KANK1: variants seen among roughly 807,000 people sequenced by gnomAD.
KANK1 encodes the protein KN motif and ankyrin repeat domain-containing protein 1.
In KANK1, 109 loss-of-function variants were observed where a neutral mutation model predicts 106.2. The ratio of observed to expected loss-of-function variants is 1.03; its 90% CI spans 0.88 to 1.20. The LOEUF (loss-of-function observed/expected upper bound fraction) is 1.20, where lower values mean the gene tolerates loss of function less well. Ranked by LOEUF, KANK1 falls within the 50% of genes most tolerant of loss-of-function variation. KANK1 has a pLI of 0.00. For missense variants in KANK1, 2,399 were observed against 1,710.7 expected (o/e 1.40, Z -7.10); for synonymous variants, 873 against 652.2 (o/e 1.34, Z -5.16).
chr9:607,337 T>G lies in KANK1; in HGVS notation c.-83-69553T>G, dbSNP rs575276159. ...CCCGTCTCTACTATAAATACAAAAA[T>G]TAGCTGGTGTGGCGACGCACACCTG... On this transcript the variant is annotated intron_variant, in intron 1 of 11. Transcript: ENST00000382297. Among the ~76,000 whole-genome samples, 6 of 151,586 alleles carry G rather than the reference T, an allele frequency of 4.0e-5. No homozygotes were observed. In the South Asian group the frequency reaches 8.3e-4, roughly 21 times the overall value.
At chr9:659,092 CA>C (rs1251676922) in intron 1 of KANK1, among the ~76,000 whole-genome samples, 14 of 152,272 alleles carry the variant, frequency 9.2e-5, no homozygotes, top group Non-Finnish European at 1.9e-4. Context: ...CTATAAGCCT[CA>C]AAAAGGCAAG....
intron 1 of KANK1, among the ~76,000 whole-genome samples, chr9:592,590 G>T (rs952144154): frequency 6.6e-6 from 1 of 151,856 alleles, no homozygotes; most frequent in Non-Finnish European, 1.5e-5. Flanking sequence ...TAGAAGAAAT[G>T]AATCAATATT....
At chr9:565,274 C>CT (rs2134567515) in intron 1 of KANK1, among the ~76,000 whole-genome samples, 1 of 152,314 alleles carries the variant, frequency 6.6e-6, no homozygotes, top group South Asian at 2.1e-4. Flanking sequence ...GCAGCTTCAT[C>CT]TTTAAGACTT....
intron 1 of KANK1, among the ~76,000 whole-genome samples, chr9:646,785 G>A (rs1208418309): frequency 6.7e-6 from 1 of 150,206 alleles, no homozygotes; most frequent in African/African-American, 2.5e-5. Context: ...CGCCTCCCGG[G>A]TTAAAGCAAT....
intron 1 of KANK1, among the ~76,000 whole-genome samples, chr9:590,276 C>A (rs1390354136): frequency 6.6e-6 from 1 of 151,986 alleles, no homozygotes. Context: ...TTATTATAGT[C>A]AGGGAGGTGA....
intron 1 of KANK1, among the ~76,000 whole-genome samples, chr9:512,398 C>T (rs1353136772): frequency 6.6e-6 from 1 of 151,720 alleles, no homozygotes; most frequent in Non-Finnish European, 1.5e-5. Context: ...CTGGAGAATT[C>T]CCTCCAGCTC....
Position 730,141 on chromosome 9 carries a change from G to C in KANK1, c.2789G>C (p.Gly930Ala). Residue 930 changes from glycine (G) to alanine (A), a missense_variant, in exon 4 of 12, where the codon GGG (glycine) becomes GCG (alanine). Gly to Ala is a moderately conservative substitution (Grantham distance 60). Coordinates refer to ENST00000382297, the MANE Select transcript of KANK1 (RefSeq NM_015158.5). ...ACATCCCAGCCTGAGCAAGAAGTGGGGACCTCAGAAGGAAAGCCAATCAGC... is the reference window on the plus strand; with the variant it reads ...ACATCCCAGCCTGAGCAAGAAGTGGCGACCTCAGAAGGAAAGCCAATCAGC... ...SQTSQPEQEV[G>A]TSEGKPISSL... 6.2e-7 allele frequency: 1 copy of C among 1,614,162 alleles called. No individual in the cohort carries two copies. The highest frequency in any genetic ancestry group is 8.5e-7 in the Non-Finnish European group (1 of 1,180,024).
chr9:679,535 C>G (rs573953174), intron 2 of KANK1, among the ~76,000 whole-genome samples: 1 of 152,270 alleles, frequency 6.6e-6, no homozygotes, highest in Non-Finnish European at 1.5e-5. Flanking sequence ...GTGCCTCAGC[C>G]TCCCACGCAG....
At chr9:607,779 T>A (rs1484320929) in intron 1 of KANK1, among the ~76,000 whole-genome samples, 2 of 151,668 alleles carry the variant, frequency 1.3e-5, no homozygotes, top group African/African-American at 4.9e-5. Flanking sequence ...GAGGAAATAA[T>A]ATGGTGTGGT....
chr9:584,373 TC>T, intron 1 of KANK1, among the ~76,000 whole-genome samples: 1 of 152,220 alleles, frequency 6.6e-6, no homozygotes, highest in Non-Finnish European at 1.5e-5. Flanking sequence ...CTAATTATCC[TC>T]ATGATTTTTA....
intron 3 of KANK1, among the ~76,000 whole-genome samples, chr9:491,120 C>G (rs1255954993): frequency 6.6e-6 from 1 of 151,796 alleles, no homozygotes; most frequent in African/African-American, 2.4e-5. Context: ...TTACCATGCC[C>G]CATCTAATTT....
intron 1 of KANK1, among the ~76,000 whole-genome samples, chr9:617,744 A>C (rs1420312364): frequency 6.6e-6 from 1 of 152,232 alleles, no homozygotes; most frequent in East Asian, 1.9e-4. Context: ...TCCGATCAGC[A>C]GGCCAGTTTG....
intron 3 of KANK1, among the ~76,000 whole-genome samples, chr9:496,880 A>G (rs1360318198): frequency 6.6e-6 from 1 of 152,172 alleles, no homozygotes; most frequent in African/African-American, 2.4e-5. Context: ...TCTACTTAGG[A>G]TCCTAGTAGA....
At chr9:525,379 GT>G (rs1563716103) in intron 1 of KANK1, among the ~76,000 whole-genome samples, 4 of 150,964 alleles carry the variant, frequency 2.6e-5, no homozygotes, top group Non-Finnish European at 5.9e-5. Flanking sequence ...GTGTGTGTGT[GT>G]GTGTATTTAT....
intron 1 of KANK1, among the ~76,000 whole-genome samples, chr9:525,275 G>A (rs1041728058): frequency 6.6e-6 from 1 of 151,442 alleles, no homozygotes; most frequent in East Asian, 1.9e-4. Context: ...GATTACAGGC[G>A]TGAGCTACTG....
intron 2 of KANK1, among the ~76,000 whole-genome samples, chr9:705,763 T>C (rs1391432647): frequency 2.0e-5 from 3 of 151,714 alleles, no homozygotes; most frequent in Non-Finnish European, 4.4e-5. Context: ...TATGCTTGGG[T>C]AATTTTTTAT....
At chr9:637,593 C>A (rs980873407) in intron 1 of KANK1, among the ~76,000 whole-genome samples, 4 of 152,154 alleles carry the variant, frequency 2.6e-5, no homozygotes, top group Admixed American at 1.3e-4. Flanking sequence ...GTTAAGTTCC[C>A]AGATGATGCT....
At chr9:687,789 ATTCTATTATTAT>A (rs2139331452) in intron 2 of KANK1, among the ~76,000 whole-genome samples, 1 of 152,158 alleles carries the variant, frequency 6.6e-6, no homozygotes, top group South Asian at 2.1e-4. Context: ...TTCTGTTATT[ATTCTATTATTAT>A]TTCTATTAAA....
intron 2 of KANK1, among the ~76,000 whole-genome samples, chr9:703,102 C>T (rs1823101371): frequency 1.3e-5 from 2 of 152,136 alleles, no homozygotes; most frequent in African/African-American, 4.8e-5. Context: ...AGCGATTCTC[C>T]TGCCTCAGCC....
Sources: gnomAD v4.1 joint callset for allele counts (sites outside exome capture counted in the v4.1 genomes callset) on GRCh38, gnomAD v4.1.1 for gene constraint, MANE v1.5 for transcripts, NCBI Gene and HGNC (gene_info 2026-07-23, HGNC 2026-07-21) for gene names.